The following ADCY1 variants were observed in gnomAD, a reference collection of about 807,000 sequenced individuals.
The protein encoded by ADCY1 is adenylate cyclase 1.
A neutral mutation model predicts 105.4 loss-of-function variants in ADCY1; 28 were observed. The ratio of observed to expected loss-of-function variants is 0.27; its 90% CI spans 0.20 to 0.36. The LOEUF (loss-of-function observed/expected upper bound fraction) is 0.36. Among genes scored for constraint, ADCY1 ranks in the 10% least tolerant of loss-of-function variants. The pLI is 1.00. For synonymous variants in ADCY1, 655 were observed against 623.8 expected (o/e 1.05, Z -0.75); for missense variants, 977 against 1,434.2 (o/e 0.68, Z 5.15).
rs867516 is a variant in ADCY1, at chr7:45,579,970, G to A, written c.639+4788G>A. Among the ~76,000 whole-genome samples, 20 of 98,084 alleles carry A rather than the reference G, an allele frequency of 2.0e-4. 1 individual carries two copies. In the South Asian group the frequency reaches 4.6e-3, roughly 22 times the overall value. 64.3% of individuals were successfully genotyped at this position (98,084 alleles called of 152,430 possible). A position where few individuals can be genotyped will look rare whatever the true frequency, so the allele number is the denominator to read the frequency against. Reference sequence around the variant, plus strand: ...TCCCCCCCTTCCCCCTTCCCCCCTCGCCCCCATTTTTGTTTTTCTCGTAGG... The same window carrying A: ...TCCCCCCCTTCCCCCTTCCCCCCTCACCCCCATTTTTGTTTTTCTCGTAGG... On this transcript the variant is annotated intron_variant, in intron 1 of 19. Transcript: ENST00000297323.
At chr7:45,662,292 G>A (rs190168356) in intron 8 of ADCY1, 78 bp downstream of exon 8, 68 of 1,475,240 alleles carry the variant, frequency 4.6e-5, no homozygotes, top group African/African-American at 2.9e-4. Context: ...TATGGCCCCC[G>A]TGCCATTTGG....
intron 4 of ADCY1, among the ~76,000 whole-genome samples, chr7:45,625,140 C>T (rs1441331410): frequency 1.3e-5 from 2 of 152,210 alleles, no homozygotes; most frequent in East Asian, 3.9e-4. Context: ...TCACCCTGGT[C>T]CCAGGCCTTG....
chr7:45,579,656 C>T (rs1792465086), intron 1 of ADCY1, among the ~76,000 whole-genome samples: 1 of 152,196 alleles, frequency 6.6e-6, no homozygotes, highest in African/African-American at 2.4e-5. Context: ...TGGGGTGCTC[C>T]TCCTGGCACA....
At chr7:45,665,490 T>C (rs1264582638) in intron 8 of ADCY1, among the ~76,000 whole-genome samples, 1 of 152,268 alleles carries the variant, frequency 6.6e-6, no homozygotes, top group Non-Finnish European at 1.5e-5. Context: ...CCCAGAAGCC[T>C]CCCAATTCAG....
intron 2 of ADCY1, among the ~76,000 whole-genome samples, 194 bp from the exon 3 acceptor site, chr7:45,610,185 G>T (rs1289271912): frequency 1.3e-5 from 2 of 152,206 alleles, no homozygotes; most frequent in Non-Finnish European, 2.9e-5. Flanking sequence ...CCGCAGGGAG[G>T]CTTGGGTGTT....
At chr7:45,652,653 G>A (rs1044168759) in intron 5 of ADCY1, among the ~76,000 whole-genome samples, 4 of 152,170 alleles carry the variant, frequency 2.6e-5, no homozygotes, top group African/African-American at 7.2e-5. Flanking sequence ...CATGCAGATC[G>A]GTCATTTGGG....
At chr7:45,700,445 T>C (rs895378592) in intron 14 of ADCY1, among the ~76,000 whole-genome samples, 2 of 152,162 alleles carry the variant, frequency 1.3e-5, no homozygotes, top group African/African-American at 2.4e-5. Flanking sequence ...TGAAGACTAT[T>C]GTCTTAGCTG....
chr7:45,579,969 CG>C (rs1212901980), intron 1 of ADCY1, among the ~76,000 whole-genome samples: 25 of 150,946 alleles, frequency 1.7e-4, no homozygotes, highest in African/African-American at 5.6e-4. Context: ...CTTCCCCCCT[CG>C]CCCCCATTTT....
intron 3 of ADCY1, among the ~76,000 whole-genome samples, chr7:45,621,627 G>A (rs1793891299): frequency 6.6e-6 from 1 of 152,118 alleles, no homozygotes; most frequent in South Asian, 2.1e-4. Flanking sequence ...TAGTTCCCTT[G>A]GAGTCCAATT....
chr7:45,669,617 G>A (rs1419208717), intron 8 of ADCY1, among the ~76,000 whole-genome samples: 2 of 152,162 alleles, frequency 1.3e-5, no homozygotes, highest in African/African-American at 2.4e-5. Context: ...TTGATTTGGA[G>A]TGGAGAGTTC....
rs79547885 is a variant in ADCY1, at chr7:45,626,739, A to G, written c.1020+3996A>G. ...AGTTTCTAGGAACACATTATTGTAA[A>G]TGGGATCCATTTGGGCATGAAGCCC... On this transcript the variant is annotated intron_variant, in intron 4 of 19. Transcript: ENST00000297323. Among the ~76,000 whole-genome samples, 1,760 of 152,304 alleles carry G rather than the reference A, an allele frequency of 0.012. 60 individuals are homozygous for G. The East Asian group carries it at 0.13, about 11-fold the overall frequency.
At chr7:45,618,270 T>C (rs113019025) in intron 3 of ADCY1, among the ~76,000 whole-genome samples, 4,980 of 152,270 alleles carry the variant, frequency 0.033, 84 homozygotes, top group Non-Finnish European at 0.042. Flanking sequence ...GACTATGAAA[T>C]TTCTGGAAGA....
At chr7:45,609,989 A>C (rs1269151131) in intron 2 of ADCY1, among the ~76,000 whole-genome samples, 1 of 152,178 alleles carries the variant, frequency 6.6e-6, no homozygotes, top group East Asian at 1.9e-4. Flanking sequence ...CCTCAGGAGG[A>C]CAGCTTGTTT....
At chr7:45,581,601 G>A (rs1264764488) in intron 1 of ADCY1, among the ~76,000 whole-genome samples, 1 of 152,118 alleles carries the variant, frequency 6.6e-6, no homozygotes, top group East Asian at 1.9e-4. Context: ...GGGCTGAAGT[G>A]GCAGGGGCAA....
intron 8 of ADCY1, among the ~76,000 whole-genome samples, chr7:45,676,837 A>AT (rs58708149): frequency 0.029 from 3,777 of 131,134 alleles, 139 homozygotes; most frequent in East Asian, 0.084. Context: ...GGGGCCACAG[A>AT]TTTTTTTTTT....
intron 4 of ADCY1, among the ~76,000 whole-genome samples, chr7:45,637,422 A>G (rs1375297475): frequency 2.0e-5 from 3 of 152,162 alleles, no homozygotes; most frequent in Non-Finnish European, 4.4e-5. Context: ...TGTTTTATGT[A>G]TCTGCCTAAA....
intron 14 of ADCY1, among the ~76,000 whole-genome samples, chr7:45,700,234 A>G (rs1010809498): frequency 2.0e-5 from 3 of 152,112 alleles, no homozygotes; most frequent in Non-Finnish European, 4.4e-5. Flanking sequence ...CCTGAATCTC[A>G]GGATTCATCC....
chr7:45,635,307 G>A (rs567362217), intron 4 of ADCY1, among the ~76,000 whole-genome samples: 2 of 151,582 alleles, frequency 1.3e-5, no homozygotes, highest in Admixed American at 1.3e-4. Flanking sequence ...ATTTCATTGA[G>A]TTTTTAAAAA....
At chr7:45,631,401 A>G (rs1291511940) in intron 4 of ADCY1, among the ~76,000 whole-genome samples, 1 of 152,246 alleles carries the variant, frequency 6.6e-6, no homozygotes, top group Non-Finnish European at 1.5e-5. Context: ...TGCTCTGTGC[A>G]GGAAACTGCT....
Sources: allele counts gnomAD v4.1 joint callset (sites outside exome capture counted in the v4.1 genomes callset), GRCh38; gene constraint gnomAD v4.1.1; transcripts MANE v1.5; gene names NCBI Gene and HGNC (gene_info 2026-07-23, HGNC 2026-07-21).